PDZRN4: variants seen among roughly 807,000 people sequenced by gnomAD.
PDZRN4 encodes the protein PDZ domain-containing RING finger protein 4.
Under a neutral mutation model 99.0 loss-of-function variants are expected in PDZRN4, and 70 were observed. The observed-to-expected ratio is 0.71, with a 90% CI of 0.58 to 0.86. PDZRN4 has a LOEUF of 0.86. Ranked by LOEUF, PDZRN4 falls within the 40% of genes least tolerant of loss-of-function variation. The pLI is 0.00. For missense variants in PDZRN4, 1,474 were observed against 1,331.2 expected (o/e 1.11, Z -1.67); for synonymous variants, 551 against 501.6 (o/e 1.10, Z -1.32).
At chr12:41,553,209 G>A (rs1939089157) in intron 6 of PDZRN4, among the ~76,000 whole-genome samples, 1 of 152,168 alleles carries the variant, frequency 6.6e-6, no homozygotes, top group Non-Finnish European at 1.5e-5. Context: ...CCCAATGAGT[G>A]CATCTGTTAG....
At chr12:41,532,445 A>G (rs955002062) in intron 5 of PDZRN4, among the ~76,000 whole-genome samples, 2 of 152,220 alleles carry the variant, frequency 1.3e-5, no homozygotes, top group African/African-American at 4.8e-5. Flanking sequence ...GCATGTCTAC[A>G]ACAATGTTAT....
chr12:41,200,680 TTTTAA>T (rs1468153715), intron 3 of PDZRN4, among the ~76,000 whole-genome samples: 1 of 152,150 alleles, frequency 6.6e-6, no homozygotes, highest in Non-Finnish European at 1.5e-5. Flanking sequence ...TTTTGATTCA[TTTTAA>T]TTTGTGATCC....
intron 3 of PDZRN4, among the ~76,000 whole-genome samples, chr12:41,426,660 TA>T (rs1287908768): frequency 2.6e-5 from 4 of 152,230 alleles, no homozygotes; most frequent in African/African-American, 9.6e-5. Flanking sequence ...TTTTGAGATG[TA>T]AAAAACTTTA....
chr12:41,465,857 T>C (rs1247008570), intron 3 of PDZRN4, among the ~76,000 whole-genome samples: 1 of 152,246 alleles, frequency 6.6e-6, no homozygotes, highest in African/African-American at 2.4e-5. Flanking sequence ...AATGCCACAG[T>C]ACTTTCACAA....
At chr12:41,312,903 C>T (rs536812895) in intron 3 of PDZRN4, among the ~76,000 whole-genome samples, 235 of 152,296 alleles carry the variant, frequency 1.5e-3, no homozygotes, top group African/African-American at 5.4e-3. Flanking sequence ...GCTAGCAACT[C>T]CAGTGTCCGT....
chr12:41,321,894 T>C (rs1249039093), intron 3 of PDZRN4, among the ~76,000 whole-genome samples: 1 of 152,204 alleles, frequency 6.6e-6, no homozygotes, highest in Non-Finnish European at 1.5e-5. Context: ...CTTACTGTTT[T>C]CTCCTTCATT....
At chr12:41,291,695 A>G (rs1951457558) in intron 3 of PDZRN4, among the ~76,000 whole-genome samples, 1 of 152,124 alleles carries the variant, frequency 6.6e-6, no homozygotes, top group South Asian at 2.1e-4. Context: ...TTCTCCTCAT[A>G]TGCTCAAGTT....
chr12:41,228,623 T>C (rs997844983), intron 3 of PDZRN4, among the ~76,000 whole-genome samples: 4 of 152,120 alleles, frequency 2.6e-5, no homozygotes, highest in Admixed American at 1.3e-4. Flanking sequence ...TTGTTCTGGG[T>C]ATGCCATGCT....
intron 5 of PDZRN4, among the ~76,000 whole-genome samples, chr12:41,551,666 C>G (rs1269497456): frequency 2.0e-5 from 3 of 152,072 alleles, no homozygotes; most frequent in Non-Finnish European, 2.9e-5. Context: ...AGCCTGAGTG[C>G]TAGAAATTGA....
chr12:41,333,317 C>T (rs1236607189), intron 3 of PDZRN4, among the ~76,000 whole-genome samples: 1 of 152,084 alleles, frequency 6.6e-6, no homozygotes, highest in Non-Finnish European at 1.5e-5. Context: ...CAGCTGTGTG[C>T]TCCAGCACAG....
intron 3 of PDZRN4, among the ~76,000 whole-genome samples, chr12:41,259,310 A>G (rs572318947): frequency 1.3e-5 from 2 of 152,240 alleles, no homozygotes; most frequent in East Asian, 3.9e-4. Flanking sequence ...ACTCATAAAA[A>G]TAGACATGAA....
chr12:41,360,310 G>A (rs1951955554), intron 3 of PDZRN4, among the ~76,000 whole-genome samples: 2 of 151,920 alleles, frequency 1.3e-5, no homozygotes, highest in Non-Finnish European at 2.9e-5. Flanking sequence ...TTAACTCAAG[G>A]AACATCCATA....
At chr12:41,205,240 T>C (rs1389717854) in intron 3 of PDZRN4, among the ~76,000 whole-genome samples, 1 of 151,914 alleles carries the variant, frequency 6.6e-6, no homozygotes, top group Non-Finnish European at 1.5e-5. Flanking sequence ...TAACAAACTG[T>C]TCGTGACCTA....
chr12:41,387,003 A>T (rs544553962), intron 3 of PDZRN4, among the ~76,000 whole-genome samples: 1 of 152,316 alleles, frequency 6.6e-6, no homozygotes, highest in African/African-American at 2.4e-5. Flanking sequence ...TAAATTTAAA[A>T]TCCCAAGCTA....
chr12:41,487,018 A>G (rs1937789589), intron 3 of PDZRN4, among the ~76,000 whole-genome samples: 2 of 152,082 alleles, frequency 1.3e-5, no homozygotes, highest in African/African-American at 2.4e-5. Context: ...CACAAAAGAA[A>G]TACTACAACT....
At chr12:41,434,531 C>A (rs1565581828) in intron 3 of PDZRN4, among the ~76,000 whole-genome samples, 2 of 152,134 alleles carry the variant, frequency 1.3e-5, no homozygotes, top group African/African-American at 4.8e-5. Context: ...CTCTCATCTA[C>A]TCTTTTGCTA....
chr12:41,407,689 G>T (rs1952359686), intron 3 of PDZRN4, among the ~76,000 whole-genome samples: 1 of 147,292 alleles, frequency 6.8e-6, no homozygotes, highest in Non-Finnish European at 1.5e-5. Flanking sequence ...AATTACAACT[G>T]CAGTGTTTAC....
At chr12:41,250,538 C>T (rs1951162365) in intron 3 of PDZRN4, among the ~76,000 whole-genome samples, 1 of 152,174 alleles carries the variant, frequency 6.6e-6, no homozygotes, top group South Asian at 2.1e-4. Context: ...CCCTAAATAA[C>T]TAAAAGTTCT....
At chr12:41,541,449 C>CA (rs1362779050) in intron 5 of PDZRN4, among the ~76,000 whole-genome samples, 1 of 137,362 alleles carries the variant, frequency 7.3e-6, no homozygotes, top group Non-Finnish European at 1.6e-5. Context: ...TTCTTCTAGA[C>CA]TTTTTTTTTT....
Sources: gnomAD v4.1 joint callset for allele counts (sites outside exome capture counted in the v4.1 genomes callset) on GRCh38, gnomAD v4.1.1 for gene constraint, MANE v1.5 for transcripts, NCBI Gene and HGNC (gene_info 2026-07-23, HGNC 2026-07-21) for gene names.